The following PTPN3 variants were observed in gnomAD, a reference collection of about 807,000 sequenced individuals.
PTPN3 encodes tyrosine-protein phosphatase non-receptor type 3.
Under a neutral mutation model 132.7 loss-of-function variants are expected in PTPN3, and 96 were observed. The observed-to-expected ratio is 0.72, with a 90% confidence interval of 0.61 to 0.86. The LOEUF (loss-of-function observed/expected upper bound fraction) is 0.86. Ranked by LOEUF, PTPN3 falls within the 40% of genes least tolerant of loss-of-function variation. The pLI is 0.00. For synonymous variants in PTPN3, 398 were observed against 429.0 expected, an observed-to-expected ratio of 0.93 and a Z score of 0.89; for missense variants, 1,125 against 1,159.6, an observed-to-expected ratio of 0.97 and a Z score of 0.43.
At chr9:109,404,424 G>C in intron 19 of PTPN3, 24 bp downstream of exon 19, 1 of 1,375,344 alleles carries the variant, frequency 7.3e-7, no homozygotes, top group Non-Finnish European at 9.6e-7. Context: ...ATGGCAGTGG[G>C]ATTCAGCCTC....
At chr9:109,391,592 T>C (rs768453220) in intron 19 of PTPN3, 31 bp from the exon 20 acceptor site, 3 of 1,544,858 alleles carry the variant, frequency 1.9e-6, no homozygotes, top group African/African-American at 2.7e-5. Flanking sequence ...AAAGCAAGCA[T>C]TGCAAAAATC....
chr9:109,444,767 A>G (rs1844735784), intron 7 of PTPN3, among the ~76,000 whole-genome samples: 1 of 152,222 alleles, frequency 6.6e-6, no homozygotes, highest in Non-Finnish European at 1.5e-5. Context: ...CTCTGAAAAG[A>G]AATTCCTAAG....
chr9:109,457,929 C>G (rs2132032700), intron 2 of PTPN3, among the ~76,000 whole-genome samples: 1 of 152,360 alleles, frequency 6.6e-6, no homozygotes, highest in East Asian at 1.9e-4. Flanking sequence ...CTGTGCCACC[C>G]TGTGGGATTA....
intron 21 of PTPN3, 57 bp downstream of exon 21, chr9:109,391,081 T>A (rs1840039768): frequency 6.6e-7 from 1 of 1,509,012 alleles, no homozygotes; most frequent in East Asian, 2.3e-5. Context: ...CAGGCCCTCA[T>A]CATCGTTGCG....
chr9:109,420,945 T>C (rs376479456), intron 13 of PTPN3, among the ~76,000 whole-genome samples: 4 of 152,254 alleles, frequency 2.6e-5, no homozygotes, highest in Admixed American at 6.5e-5. Context: ...ATAGGCCATA[T>C]GGACTGCTAT....
chr9:109,403,029 G>A (rs2131709562), intron 19 of PTPN3, among the ~76,000 whole-genome samples: 1 of 152,338 alleles, frequency 6.6e-6, no homozygotes, highest in Middle Eastern at 3.4e-3. Flanking sequence ...AGTGAGCCAA[G>A]ATGGCACCAC....
chr9:109,383,267 C>T, intron 23 of PTPN3, 156 bp downstream of exon 23: 1 of 1,333,434 alleles, frequency 7.5e-7, no homozygotes, highest in Admixed American at 1.8e-5. Flanking sequence ...ACTGTGAACT[C>T]TGGGCCCTGG....
chr9:109,384,057 G>T (rs188344259), intron 22 of PTPN3, among the ~76,000 whole-genome samples: 212 of 152,296 alleles, frequency 1.4e-3, no homozygotes, highest in Middle Eastern at 6.8e-3. Flanking sequence ...TTGTCAGCCA[G>T]ATGATGTCGA....
intron 16 of PTPN3, among the ~76,000 whole-genome samples, chr9:109,408,845 AAT>A (rs139812662): frequency 2.1e-4 from 25 of 119,674 alleles, no homozygotes; most frequent in Non-Finnish European, 3.5e-4. Flanking sequence ...TATGGGCTTT[AAT>A]ATATATATAT....
At chr9:109,382,631 T>C (rs7029709) in intron 23 of PTPN3, among the ~76,000 whole-genome samples, 184 bp from the exon 24 acceptor site, 130,762 of 152,052 alleles carry the variant, frequency 0.86, 56,609 homozygotes, top group African/African-American at 0.96. Context: ...CAGGCTCAGC[T>C]GTGGGCCTGT....
At chr9:109,473,297 C>T (rs569310086) in intron 1 of PTPN3, among the ~76,000 whole-genome samples, 4 of 152,240 alleles carry the variant, frequency 2.6e-5, no homozygotes, top group East Asian at 1.9e-4. Flanking sequence ...CTGGGAAGCC[C>T]GGGTGGAGTC....
chr9:109,451,134 A>C (rs1845215017), intron 5 of PTPN3: 1 of 962,514 alleles, frequency 1.0e-6, no homozygotes, highest in Non-Finnish European at 1.2e-6. Flanking sequence ...GTATGTGCCT[A>C]TAATCCCAGC....
chr9:109,459,678 G>A (rs1451128207), intron 2 of PTPN3, among the ~76,000 whole-genome samples: 1 of 152,108 alleles, frequency 6.6e-6, no homozygotes, highest in African/African-American at 2.4e-5. Flanking sequence ...GCCTCTCAAA[G>A]TGCTGAGAAT....
At chr9:109,523,912 A>T in the PTPN3 span, among the ~76,000 whole-genome samples, 1 of 151,988 alleles carries the variant, frequency 6.6e-6, no homozygotes, top group African/African-American at 2.4e-5. Flanking sequence ...CCTCCCTGGG[A>T]TGTCATTCCT....
chr9:109,448,020 G>A (rs1472008105), intron 6 of PTPN3, among the ~76,000 whole-genome samples: 1 of 152,110 alleles, frequency 6.6e-6, no homozygotes, highest in Non-Finnish European at 1.5e-5. Flanking sequence ...GCTCATCCTA[G>A]CAATCTATAA....
In PTPN3 at chr9:109,442,370, G is replaced by A. The variant is rs965923123; in HGVS notation, c.466+2870C>T. Among the ~76,000 whole-genome samples, 5 of 152,160 alleles carry A rather than the reference G, an allele frequency of 3.3e-5. No homozygotes were observed. In the East Asian group the frequency reaches 7.7e-4, roughly 23 times the overall value. Reference sequence around the variant, plus strand: ...GCACAAGTATTAATCTTAAAGAAATGTATGCTCTGCAATATATATATTTAT... The same window carrying A: ...GCACAAGTATTAATCTTAAAGAAATATATGCTCTGCAATATATATATTTAT... On this transcript the variant is annotated intron_variant, in intron 7 of 25. Transcript: ENST00000374541.
chr9:109,534,130 T>G, the PTPN3 span: 1 of 797,790 alleles, frequency 1.3e-6, no homozygotes, highest in Non-Finnish European at 2.3e-6. Flanking sequence ...GTTCCTTAAG[T>G]TGAACCATTT....
rs530887753 is a variant in PTPN3 at position 109,393,559 on chromosome 9, G to C, written c.1954-1998C>G. 4.6e-5 allele frequency among the ~76,000 whole-genome samples: 7 copies of C among 151,672 alleles called. No individual in the cohort carries two copies. In the South Asian group the frequency reaches 1.5e-3, roughly 31 times the overall value. On this transcript the variant is annotated intron_variant, in intron 19 of 25. Coordinates refer to ENST00000374541, the MANE Select transcript of PTPN3 (RefSeq NM_002829.4). Reference sequence around the variant, plus strand: ...CCATCACCACACCTGCTTAATTTTTGTATTTTTAGTAGAGACAGGGTTTCA... The same window carrying C: ...CCATCACCACACCTGCTTAATTTTTCTATTTTTAGTAGAGACAGGGTTTCA...
intron 19 of PTPN3, among the ~76,000 whole-genome samples, chr9:109,400,633 A>T (rs1841010729): frequency 6.6e-6 from 1 of 152,252 alleles, no homozygotes; most frequent in Non-Finnish European, 1.5e-5. Flanking sequence ...TGAGTTGGCC[A>T]GCCTGGGTTC....
Sources: allele counts gnomAD v4.1 joint callset (sites outside exome capture counted in the v4.1 genomes callset), GRCh38; gene constraint gnomAD v4.1.1; transcripts MANE v1.5; gene names NCBI Gene and HGNC (gene_info 2026-07-23, HGNC 2026-07-21).